Variants in SNX29 observed in about 807,000 individuals in gnomAD.
SNX29 encodes the protein sorting nexin 29.
Under a neutral mutation model 102.1 loss-of-function variants are expected in SNX29, and 78 were observed. The observed-to-expected ratio is 0.76, with a 90% CI of 0.64 to 0.92. SNX29 has a LOEUF of 0.92. SNX29 is among the 40% of genes least tolerant of loss of function. The probability of loss-of-function intolerance (pLI) is 0.00; values close to 1 mark genes in which losing one functional copy is unlikely to be tolerated. For missense variants in SNX29, 1,280 were observed against 1,061.7 expected (o/e 1.21, Z -2.86); for synonymous variants, 580 against 414.5 (o/e 1.40, Z -4.85).
intron 15 of SNX29, among the ~76,000 whole-genome samples, chr16:12,315,294 G>A (rs2080695933): frequency 6.6e-6 from 1 of 152,172 alleles, no homozygotes; most frequent in Admixed American, 6.5e-5. Context: ...GACCAGGGAT[G>A]AGTATTTTTC....
At chr16:12,257,045 G>A (rs4305040) in intron 14 of SNX29, among the ~76,000 whole-genome samples, 96,884 of 152,072 alleles carry the variant, frequency 0.64, 32,169 homozygotes, top group African/African-American at 0.81. Context: ...TGGTGGCAGG[G>A]TTGTATTTGT....
At position 12,344,540 on chromosome 16, in the gene SNX29, A is replaced by AATGAATG. The variant is rs1567459561; in HGVS notation, c.1783-11622_1783-11621insTGAATGA. ...GTAGATGTTTGTGGAATGAATGAATAAATGAATGAAAGAATCTGAGAATTT... is the reference window on the plus strand; with the variant it reads ...GTAGATGTTTGTGGAATGAATGAATAATGAATGAATGAATGAAAGAATCTGAGAATTT... On this transcript the variant is annotated intron_variant, in intron 15 of 20. Transcript: ENST00000566228. Among the ~76,000 whole-genome samples the AATGAATG allele has an allele frequency of 1.9e-3, 286 of 151,564 alleles. 1 individual carries two copies. The highest frequency in any genetic ancestry group is 6.6e-3 in the African/African-American group (271 of 40,970).
intron 17 of SNX29, 28 bp downstream of exon 17, chr16:12,398,529 G>C: frequency 6.2e-7 from 1 of 1,613,666 alleles, no homozygotes; most frequent in Non-Finnish European, 8.5e-7. Flanking sequence ...GCTCACAAGG[G>C]GTCCTTTAGA....
At chr16:12,564,918 G>C (rs1158006943) in intron 20 of SNX29, among the ~76,000 whole-genome samples, 1 of 125,520 alleles carries the variant, frequency 8.0e-6, no homozygotes, top group Non-Finnish European at 1.7e-5. Flanking sequence ...GCAGGGACTG[G>C]AGGGAACCTT....
intron 18 of SNX29, among the ~76,000 whole-genome samples, chr16:12,453,027 C>T (rs1266736015): frequency 1.3e-5 from 2 of 152,154 alleles, no homozygotes; most frequent in Admixed American, 1.3e-4. Flanking sequence ...AAAAAGGATC[C>T]CCAGCAGTAA....
intron 13 of SNX29, among the ~76,000 whole-genome samples, chr16:12,157,210 A>G (rs192834247): frequency 2.6e-5 from 4 of 152,134 alleles, no homozygotes; most frequent in Admixed American, 2.6e-4. Context: ...CCATAGGCTG[A>G]TGGTTGTCCC....
At chr16:12,520,130 C>G (rs1049885522) in intron 19 of SNX29, among the ~76,000 whole-genome samples, 1 of 152,180 alleles carries the variant, frequency 6.6e-6, no homozygotes, top group African/African-American at 2.4e-5. Context: ...AGTCCTGTGC[C>G]GCGATTCAGG....
intron 3 of SNX29, among the ~76,000 whole-genome samples, chr16:12,008,273 T>C (rs2056526015): frequency 6.7e-6 from 1 of 150,000 alleles, no homozygotes; most frequent in African/African-American, 2.5e-5. Flanking sequence ...AAGGAAATTT[T>C]TTTTTCTTTT....
At chr16:12,224,966 T>C (rs950291424) in intron 14 of SNX29, among the ~76,000 whole-genome samples, 6 of 152,226 alleles carry the variant, frequency 3.9e-5, no homozygotes, top group Admixed American at 1.3e-4. Flanking sequence ...GCTTCATAGA[T>C]GCTCTGCTCT....
At chr16:12,266,880 C>T (rs1007247289) in intron 14 of SNX29, among the ~76,000 whole-genome samples, 3 of 152,140 alleles carry the variant, frequency 2.0e-5, no homozygotes, top group Admixed American at 6.5e-5. Flanking sequence ...TCTCCTGCCT[C>T]AGCCTCCTGA....
intron 20 of SNX29, among the ~76,000 whole-genome samples, chr16:12,536,817 A>C (rs1209543275): frequency 6.6e-6 from 1 of 152,206 alleles, no homozygotes; most frequent in Middle Eastern, 3.4e-3. Flanking sequence ...CTCTATTAAA[A>C]CTGCAAAAAT....
intron 13 of SNX29, among the ~76,000 whole-genome samples, chr16:12,199,313 A>G (rs140426650): frequency 5.1e-4 from 77 of 152,284 alleles, no homozygotes; most frequent in African/African-American, 1.7e-3. Flanking sequence ...GGTAGCTCCA[A>G]ACAGCCTAAG....
chr16:11,998,683 A>T (rs780949025), intron 1 of SNX29, among the ~76,000 whole-genome samples: 1 of 152,198 alleles, frequency 6.6e-6, no homozygotes, highest in Non-Finnish European at 1.5e-5. Flanking sequence ...TCTTCTTTCT[A>T]TCAGAAATGA....
intron 14 of SNX29, among the ~76,000 whole-genome samples, chr16:12,265,496 G>C (rs1353261973): frequency 6.6e-6 from 1 of 152,118 alleles, no homozygotes; most frequent in East Asian, 1.9e-4. Flanking sequence ...CATGAGACAT[G>C]AAACTTAATG....
At position 12,573,522 on chromosome 16, in the gene SNX29, G is replaced by T. The variant is rs1157011620; in HGVS notation, c.*4893G>T. 1 of 224,464 alleles carries T rather than the reference G, an allele frequency of 4.5e-6. No homozygotes were observed. Among genetic ancestry groups the T allele is most frequent in the African/African-American group, 2.2e-5 (1 of 44,888 alleles). The allele number at this position is 224,464 out of a possible 1,614,324, so 13.9% of individuals were successfully genotyped here. A position where few individuals can be genotyped will look rare whatever the true frequency, so the allele number is the denominator to read the frequency against. On this transcript the variant is annotated 3_prime_UTR_variant, in exon 21 of 21. Coordinates refer to ENST00000566228, the MANE Select transcript of SNX29 (RefSeq NM_032167.5). ...GTGGTTTAAGAGGCCCAGGGATTTA[G>T]TTCTTACTGGTGCGTAAGTGTTTTC... is the stretch of plus-strand genomic sequence containing the variant.
At chr16:12,272,079 C>T (rs555472682) in intron 14 of SNX29, among the ~76,000 whole-genome samples, 22 of 152,350 alleles carry the variant, frequency 1.4e-4, no homozygotes, top group African/African-American at 5.1e-4. Context: ...GGAAGGTTGA[C>T]TGGCTAGTTG....
intron 12 of SNX29, 112 bp downstream of exon 12, chr16:12,126,808 C>A: frequency 9.0e-7 from 1 of 1,112,984 alleles, no homozygotes; most frequent in Non-Finnish European, 1.3e-6. Flanking sequence ...AAAATTGTGA[C>A]TGGCTATTTC....
chr16:12,463,658 C>T (rs147067989), intron 18 of SNX29, among the ~76,000 whole-genome samples: 1 of 152,242 alleles, frequency 6.6e-6, no homozygotes, highest in East Asian at 1.9e-4. Context: ...AGAACCAAAC[C>T]ATAGCAACCT....
intron 20 of SNX29, chr16:12,560,817 C>T: frequency 5.6e-6 from 1 of 179,586 alleles, no homozygotes; most frequent in Non-Finnish European, 1.2e-5. Context: ...GTAATTACAG[C>T]ACCCATTTCA....
Sources: allele counts gnomAD v4.1 joint callset (sites outside exome capture counted in the v4.1 genomes callset), GRCh38; gene constraint gnomAD v4.1.1; transcripts MANE v1.5; gene names NCBI Gene and HGNC (gene_info 2026-07-23, HGNC 2026-07-21).